Variants in CEP63 observed in about 807,000 individuals in gnomAD.
The protein encoded by CEP63 is centrosomal protein 63.
In CEP63, 84 loss-of-function variants were observed where a neutral mutation model predicts 89.1. The observed-to-expected ratio is 0.94, with a 90% CI of 0.79 to 1.13. The LOEUF (loss-of-function observed/expected upper bound fraction) is 1.13. Ranked by LOEUF, CEP63 falls within the 50% of genes most tolerant of loss-of-function variation. CEP63 has a pLI of 0.00. For missense variants in CEP63, 838 were observed against 813.3 expected, an observed-to-expected ratio of 1.03 and a Z score of -0.37; for synonymous variants, 267 against 272.5, an observed-to-expected ratio of 0.98 and a Z score of 0.20.
the CEP63 span, among the ~76,000 whole-genome samples, chr3:134,709,029 C>T: frequency 6.6e-6 from 1 of 152,190 alleles, no homozygotes; most frequent in Non-Finnish European, 1.5e-5. Flanking sequence ...GCCCACAGCT[C>T]AGTGTCCTGT....
At chr3:134,748,426 GT>G in the CEP63 span, among the ~76,000 whole-genome samples, 64 of 144,364 alleles carry the variant, frequency 4.4e-4, no homozygotes, top group African/African-American at 5.3e-4. Flanking sequence ...TTGGAGTTTT[GT>G]TTTTTTTTTT....
At chr3:134,495,712 A>G (rs1194782340) in intron 2 of CEP63, among the ~76,000 whole-genome samples, 1 of 152,200 alleles carries the variant, frequency 6.6e-6, no homozygotes. Flanking sequence ...GTTTGTACCC[A>G]TTAACCAAAC....
chr3:134,768,398 A>T, the CEP63 span, among the ~76,000 whole-genome samples: 22 of 152,044 alleles, frequency 1.4e-4, no homozygotes, highest in Non-Finnish European at 2.6e-4. Flanking sequence ...GAATTTCCCA[A>T]TCTCTGTTTT....
chr3:134,730,142 C>A, the CEP63 span, among the ~76,000 whole-genome samples: 1 of 152,146 alleles, frequency 6.6e-6, no homozygotes, highest in Non-Finnish European at 1.5e-5. Context: ...ATGCAGTACA[C>A]CCAGTTATAT....
At chr3:134,760,544 G>A in the CEP63 span, among the ~76,000 whole-genome samples, 1 of 152,172 alleles carries the variant, frequency 6.6e-6, no homozygotes, top group African/African-American at 2.4e-5. Flanking sequence ...AGTGTTATGG[G>A]GAAGTAAATG....
the CEP63 span, among the ~76,000 whole-genome samples, chr3:134,701,239 CACACATATATACATAT>C: frequency 5.5e-5 from 7 of 126,702 alleles, no homozygotes; most frequent in African/African-American, 2.3e-4. Context: ...CGTATATATA[CACACATATATACATAT>C]ACACATATAT....
the CEP63 span, among the ~76,000 whole-genome samples, chr3:134,749,535 G>A: frequency 1.3e-4 from 19 of 151,894 alleles, no homozygotes; most frequent in African/African-American, 4.6e-4. Flanking sequence ...TCAATGGTTT[G>A]GGAAAAGGTA....
chr3:134,518,614 A>G (rs1010073512), intron 3 of CEP63, among the ~76,000 whole-genome samples: 3 of 152,240 alleles, frequency 2.0e-5, no homozygotes, highest in Non-Finnish European at 4.4e-5. Context: ...GTACGTATCA[A>G]AACTTGTGGA....
chr3:134,722,636 T>A, the CEP63 span, among the ~76,000 whole-genome samples: 65 of 152,296 alleles, frequency 4.3e-4, no homozygotes, highest in Admixed American at 2.2e-3. Context: ...CATTTTTATG[T>A]AATCTGAGAA....
At chr3:134,485,844 C>A (rs1002707571), upstream of CEP63, 17 of 340,018 alleles carry the variant, frequency 5.0e-5, no homozygotes, top group African/African-American at 3.8e-4. Context: ...CGGTTATGAG[C>A]GTAAAGTGAC....
chr3:134,759,199 C>T, the CEP63 span, among the ~76,000 whole-genome samples: 118 of 152,296 alleles, frequency 7.7e-4, no homozygotes, highest in African/African-American at 2.7e-3. Context: ...TTGTTTTAAG[C>T]CACTAAGCGT....
intron 12 of CEP63, among the ~76,000 whole-genome samples, chr3:134,554,714 T>C (rs1427182728): frequency 6.6e-6 from 1 of 152,164 alleles, no homozygotes; most frequent in South Asian, 2.1e-4. Flanking sequence ...TGTAAAAGTG[T>C]TCCTATTTCT....
the CEP63 span, among the ~76,000 whole-genome samples, chr3:134,696,958 G>C: frequency 6.6e-6 from 1 of 152,218 alleles, no homozygotes; most frequent in East Asian, 1.9e-4. Context: ...ATTTCAGGAA[G>C]TCAGATCATG....
rs150151780 is a variant in CEP63 at position 134,555,646 on chromosome 3, A to G, written c.1468-2496A>G. 6.8e-3 allele frequency among the ~76,000 whole-genome samples: 1,039 copies of G among 152,270 alleles called. 8 individuals are homozygous for G. The highest frequency in any genetic ancestry group is 0.024 in the African/African-American group (988 of 41,532). On this transcript the variant is annotated intron_variant, in intron 12 of 14. Transcript: ENST00000675561. Reference sequence around the variant, plus strand: ...ACAGGATACAAACAAATGGAAGAACATCCCATGCTCATGGGTAGGAAGAAT... The same window carrying G: ...ACAGGATACAAACAAATGGAAGAACGTCCCATGCTCATGGGTAGGAAGAAT...
chr3:134,637,689 C>T, the CEP63 span, among the ~76,000 whole-genome samples: 2 of 152,214 alleles, frequency 1.3e-5, no homozygotes, highest in Non-Finnish European at 2.9e-5. Context: ...GTTAATTTAT[C>T]GCTTCAGGCA....
chr3:134,550,279 C>CT lies in CEP63; in HGVS notation c.1380+25dup. On this transcript the variant is annotated intron_variant, in intron 11 of 14. Coordinates refer to ENST00000675561, the MANE Select transcript of CEP63 (RefSeq NM_001353108.3). ...GCATAAGGTGAAGCCTGAACAAAAC[C>CT]TTTTTTAAATTTGAAATTTGTTTTA... 6.2e-7 allele frequency: 1 copy of CT among 1,609,252 alleles called. No homozygotes were observed. The highest frequency in any genetic ancestry group is 8.5e-7 in the Non-Finnish European group (1 of 1,176,660).
chr3:134,632,599 C>A, the CEP63 span, among the ~76,000 whole-genome samples: 1 of 151,728 alleles, frequency 6.6e-6, no homozygotes, highest in African/African-American at 2.4e-5. Context: ...TGAGATGAAG[C>A]CAAAGCAGTG....
chr3:134,752,522 ACTC>A, the CEP63 span, among the ~76,000 whole-genome samples: 2 of 151,810 alleles, frequency 1.3e-5, no homozygotes, highest in Non-Finnish European at 2.9e-5. Flanking sequence ...ACAGCAGCCA[ACTC>A]CTCCTGCAGG....
chr3:134,618,300 C>T, the CEP63 span, among the ~76,000 whole-genome samples: 2 of 152,130 alleles, frequency 1.3e-5, no homozygotes, highest in African/African-American at 2.4e-5. Context: ...TGCCTGTGGA[C>T]TAAGTGTTAC....
Sources: gnomAD v4.1 joint callset for allele counts (sites outside exome capture counted in the v4.1 genomes callset) on GRCh38, gnomAD v4.1.1 for gene constraint, MANE v1.5 for transcripts, NCBI Gene and HGNC (gene_info 2026-07-23, HGNC 2026-07-21) for gene names.